Variants in PTPRD observed in about 807,000 individuals in gnomAD.
PTPRD encodes protein tyrosine phosphatase receptor type D.
Under a neutral mutation model 214.5 loss-of-function variants are expected in PTPRD, and 34 were observed. The ratio of observed to expected loss-of-function variants is 0.16; its 90% CI spans 0.12 to 0.21. PTPRD has a LOEUF of 0.21. Ranked by LOEUF, PTPRD falls within the 10% of genes least tolerant of loss-of-function variation. The pLI, the probability that PTPRD is intolerant of heterozygous loss-of-function variation, is 1.00. For synonymous variants in PTPRD, 1,128 were observed against 845.7 expected (o/e 1.33, Z -5.79); for missense variants, 2,545 against 2,398.7 (o/e 1.06, Z -1.27).
At chr9:9,529,146 C>A (rs555339712) in intron 8 of PTPRD, among the ~76,000 whole-genome samples, 33 of 151,780 alleles carry the variant, frequency 2.2e-4, no homozygotes, top group East Asian at 7.8e-4. Context: ...GTTAGCCAGA[C>A]TGGTCTCGAA....
chr9:8,720,482 G>C (rs1278573907), intron 12 of PTPRD, among the ~76,000 whole-genome samples: 1 of 152,090 alleles, frequency 6.6e-6, no homozygotes, highest in Non-Finnish European at 1.5e-5. Flanking sequence ...AAAATATTTT[G>C]GCCATGATTT....
chr9:8,617,853 G>A (rs1229313146), intron 14 of PTPRD, among the ~76,000 whole-genome samples: 4 of 151,936 alleles, frequency 2.6e-5, no homozygotes, highest in East Asian at 1.9e-4. Flanking sequence ...CATCTGATAC[G>A]GCAATTTCAG....
At chr9:9,602,407 T>C (rs2093840547) in intron 7 of PTPRD, among the ~76,000 whole-genome samples, 2 of 151,998 alleles carry the variant, frequency 1.3e-5, no homozygotes, top group Non-Finnish European at 1.5e-5. Flanking sequence ...AACAACATTT[T>C]CTACAATGTG....
In PTPRD at chr9:8,687,646, C is replaced by G. The variant is rs181883297; in HGVS notation, c.64+46134G>C. Among the ~76,000 whole-genome samples, 5 of 151,488 alleles carry G rather than the reference C, an allele frequency of 3.3e-5. No homozygotes were observed. In the East Asian group the frequency reaches 9.7e-4, roughly 29 times the overall value. ...GCAAGAAAACTGACATTTTGGGGTA[C>G]AATATTGCTATCCAAAGCAAATATG... On this transcript the variant is annotated intron_variant, in intron 12 of 45. Transcript: ENST00000381196.
intron 14 of PTPRD, among the ~76,000 whole-genome samples, chr9:8,612,416 G>C (rs2095482872): frequency 6.6e-6 from 1 of 152,200 alleles, no homozygotes; most frequent in Admixed American, 6.5e-5. Flanking sequence ...AGCTGTACCT[G>C]AATTAAGTGG....
chr9:8,537,374 C>A (rs557110934), intron 14 of PTPRD, among the ~76,000 whole-genome samples: 1 of 151,960 alleles, frequency 6.6e-6, no homozygotes, highest in South Asian at 2.1e-4. Flanking sequence ...CATGACATTC[C>A]AAATGGAACA....
At chr9:8,524,743 T>C in intron 18 of PTPRD, 182 bp downstream of exon 18, 1 of 739,518 alleles carries the variant, frequency 1.4e-6, no homozygotes, top group Non-Finnish European at 2.5e-6. Context: ...TCAAGAGTTG[T>C]CTTTTGGAGT....
At chr9:10,227,435 C>A (rs1174019073) in intron 3 of PTPRD, among the ~76,000 whole-genome samples, 3 of 151,852 alleles carry the variant, frequency 2.0e-5, no homozygotes, top group African/African-American at 7.2e-5. Flanking sequence ...ACTTCTATTA[C>A]CTAATTCAAC....
At chr9:9,826,007 T>C (rs1314744552) in intron 5 of PTPRD, among the ~76,000 whole-genome samples, 1 of 151,780 alleles carries the variant, frequency 6.6e-6, no homozygotes, top group Non-Finnish European at 1.5e-5. Context: ...TAGCTTCCAA[T>C]ATCAGCAGGA....
chr9:8,721,560 AATT>A (rs1289020150), intron 12 of PTPRD, among the ~76,000 whole-genome samples: 13 of 152,112 alleles, frequency 8.5e-5, no homozygotes, highest in Non-Finnish European at 2.9e-5. Flanking sequence ...ATATTAACAA[AATT>A]AATATACCAT....
chr9:10,184,298 G>A (rs991392875), intron 3 of PTPRD, among the ~76,000 whole-genome samples: 2 of 152,038 alleles, frequency 1.3e-5, no homozygotes, highest in Non-Finnish European at 2.9e-5. Context: ...GGTGGCATGC[G>A]CCTGTAATCC....
At chr9:9,415,625 A>G (rs886230870) in intron 8 of PTPRD, among the ~76,000 whole-genome samples, 5 of 152,220 alleles carry the variant, frequency 3.3e-5, no homozygotes, top group Admixed American at 6.5e-5. Context: ...CACTGATTTA[A>G]TACCTAACCT....
At chr9:10,311,686 T>C (rs1342553545) in intron 3 of PTPRD, among the ~76,000 whole-genome samples, 1 of 152,088 alleles carries the variant, frequency 6.6e-6, no homozygotes, top group Non-Finnish European at 1.5e-5. Flanking sequence ...AGCATATTTT[T>C]TCAGGTTATT....
At chr9:10,326,795 G>T (rs763409379) in intron 3 of PTPRD, among the ~76,000 whole-genome samples, 25 of 150,976 alleles carry the variant, frequency 1.7e-4, no homozygotes, top group Non-Finnish European at 2.8e-4. Context: ...GCTCTCTACC[G>T]GTTTGTTTGT....
chr9:9,841,945 T>A (rs1210847663), intron 5 of PTPRD, among the ~76,000 whole-genome samples: 4 of 152,096 alleles, frequency 2.6e-5, no homozygotes, highest in African/African-American at 9.7e-5. Context: ...AGTACTCATG[T>A]TAAAAACATT....
chr9:9,814,260 C>T (rs1162271900), intron 5 of PTPRD, among the ~76,000 whole-genome samples: 1 of 150,622 alleles, frequency 6.6e-6, no homozygotes, highest in Admixed American at 6.6e-5. Context: ...TCTCTTACCA[C>T]TTCTATTCGA....
intron 3 of PTPRD, among the ~76,000 whole-genome samples, chr9:10,323,265 C>T (rs1401409912): frequency 4.3e-5 from 2 of 46,984 alleles, no homozygotes; most frequent in Non-Finnish European, 7.8e-5. Flanking sequence ...CTTCTCTCCC[C>T]TCCCCTCCCC....
intron 12 of PTPRD, among the ~76,000 whole-genome samples, chr9:8,686,028 C>A (rs1025321993): frequency 1.3e-5 from 2 of 152,168 alleles, no homozygotes; most frequent in African/African-American, 4.8e-5. Context: ...GTGTTCTCAT[C>A]TGAATGCTAA....
At chr9:10,141,560 C>T (rs1284711660) in intron 3 of PTPRD, among the ~76,000 whole-genome samples, 1 of 152,082 alleles carries the variant, frequency 6.6e-6, no homozygotes, top group African/African-American at 2.4e-5. Context: ...TGAAGGACCT[C>T]TCCAAGGAGA....
Sources: allele counts gnomAD v4.1 joint callset (sites outside exome capture counted in the v4.1 genomes callset), GRCh38; gene constraint gnomAD v4.1.1; transcripts MANE v1.5; gene names NCBI Gene and HGNC (gene_info 2026-07-23, HGNC 2026-07-21).